IQCK: variants seen among roughly 807,000 people sequenced by gnomAD.
IQCK encodes IQ domain-containing protein K.
A neutral mutation model predicts 28.1 loss-of-function variants in IQCK; 29 were observed. The ratio of observed to expected loss-of-function variants is 1.03; its 90% CI spans 0.77 to 1.41. IQCK has a LOEUF of 1.41. Ranked by LOEUF, IQCK falls within the 40% of genes most tolerant of loss-of-function variation. IQCK has a pLI of 0.00. For missense variants in IQCK, 359 were observed against 314.7 expected (o/e 1.14, Z -1.07); for synonymous variants, 113 against 115.1 (o/e 0.98, Z 0.12).
chr16:19,763,114 T>C (rs970737903), intron 4 of IQCK, among the ~76,000 whole-genome samples: 1 of 152,192 alleles, frequency 6.6e-6, no homozygotes, highest in Non-Finnish European at 1.5e-5. Context: ...ATTTTGTATA[T>C]GTATTATATA....
At chr16:19,816,429 G>A (rs1174161902) in intron 7 of IQCK, among the ~76,000 whole-genome samples, 4 of 152,034 alleles carry the variant, frequency 2.6e-5, no homozygotes, top group Admixed American at 6.6e-5. Context: ...TTACAGGTGC[G>A]TGCCACCACA....
intron 9 of IQCK, among the ~76,000 whole-genome samples, chr16:19,852,783 C>T (rs1251603322): frequency 6.6e-6 from 1 of 152,036 alleles, no homozygotes; most frequent in Admixed American, 6.5e-5. Flanking sequence ...CCACCATGCC[C>T]GGCTAATTTT....
chr16:19,856,188 A>C (rs1665420455), intron 9 of IQCK, among the ~76,000 whole-genome samples: 1 of 152,202 alleles, frequency 6.6e-6, no homozygotes, highest in Non-Finnish European at 1.5e-5. Context: ...GTCTTTAGTA[A>C]AATTGCCTTC....
chr16:19,831,673 G>T (rs189140809), downstream of IQCK, among the ~76,000 whole-genome samples: 1 of 150,570 alleles, frequency 6.6e-6, no homozygotes, highest in Non-Finnish European at 1.5e-5. Context: ...AAAAAAAAAA[G>T]CTCATCTATG....
exon 1 of IQCK, chr16:19,718,312 G>C: frequency 6.2e-7 from 1 of 1,605,438 alleles, no homozygotes; most frequent in Non-Finnish European, 8.5e-7. Context: ...CGGCCATGGC[G>C]GCACCGCGGC....
intron 4 of IQCK, among the ~76,000 whole-genome samples, chr16:19,742,684 C>T (rs1286950463): frequency 2.6e-5 from 4 of 152,182 alleles, no homozygotes; most frequent in Non-Finnish European, 5.9e-5. Flanking sequence ...CTTGAAATAA[C>T]ATTTATATTA....
intron 1 of IQCK, among the ~76,000 whole-genome samples, chr16:19,719,513 C>A (rs1292069539): frequency 6.6e-6 from 1 of 151,226 alleles, no homozygotes; most frequent in African/African-American, 2.4e-5. Context: ...ATTGCTTGAA[C>A]CAGGGAGGTG....
intron 4 of IQCK, chr16:19,736,084 A>T (rs1467568510): frequency 2.2e-6 from 1 of 454,550 alleles, no homozygotes; most frequent in South Asian, 1.6e-5. Context: ...ATCCCACAGA[A>T]CTCTGCTTAC....
At chr16:19,809,045 C>CG (rs1391563258) in intron 7 of IQCK, among the ~76,000 whole-genome samples, 3 of 152,116 alleles carry the variant, frequency 2.0e-5, no homozygotes, top group Admixed American at 6.6e-5. Context: ...TTAGTAGAGA[C>CG]GGGGTTTCAC....
In IQCK at chr16:19,833,517, A is replaced by G. The variant is rs538612498; in HGVS notation, c.802+6380A>G. The stretch of plus-strand genomic sequence containing the variant: ...CTCAAGATTAAGTGAGTTTCTTGGA[A>G]GCACACCTTCCTGGAGCTGAGACTT... On this transcript the variant is annotated intron_variant, in intron 9 of 9. Coordinates refer to the IQCK transcript ENST00000320394. Among the ~76,000 whole-genome samples, 3 of 152,302 alleles carry G rather than the reference A, an allele frequency of 2.0e-5. No individual in the cohort carries two copies. In the East Asian group the frequency reaches 5.8e-4, roughly 29 times the overall value.
At chr16:19,784,805 G>C (rs1454027293) in intron 6 of IQCK, among the ~76,000 whole-genome samples, 1 of 152,174 alleles carries the variant, frequency 6.6e-6, no homozygotes, top group African/African-American at 2.4e-5. Flanking sequence ...GTCTTGCTCT[G>C]TTGCCCAGGC....
chr16:19,718,531 C>G (rs754095415), intron 1 of IQCK, 44 bp downstream of exon 1: 58 of 1,493,466 alleles, frequency 3.9e-5, no homozygotes, highest in Non-Finnish European at 3.9e-5. Context: ...CCCGGGCGGC[C>G]GGACGGGGGC....
chr16:19,736,810 G>A (rs959048618), intron 4 of IQCK, among the ~76,000 whole-genome samples: 2 of 151,932 alleles, frequency 1.3e-5, no homozygotes, highest in African/African-American at 2.4e-5. Context: ...GTGATCAAGG[G>A]TGAATGGCAG....
chr16:19,730,208 G>A (rs778294266), intron 1 of IQCK, among the ~76,000 whole-genome samples: 3 of 151,634 alleles, frequency 2.0e-5, no homozygotes, highest in Admixed American at 1.3e-4. Flanking sequence ...CTCCTGCCTC[G>A]GCCTCCAAAA....
At chr16:19,843,769 G>A (rs1260464812) in intron 9 of IQCK, among the ~76,000 whole-genome samples, 1 of 152,124 alleles carries the variant, frequency 6.6e-6, no homozygotes, top group Non-Finnish European at 1.5e-5. Context: ...GCTCTCTGGT[G>A]TCTCTACTTC....
intron 7 of IQCK, among the ~76,000 whole-genome samples, chr16:19,822,022 T>TGCATCACTG: frequency 7.5e-6 from 1 of 133,032 alleles, no homozygotes; most frequent in African/African-American, 3.0e-5. Flanking sequence ...GCCAAGATCA[T>TGCATCACTG]GCATCACTGC....
At chr16:19,720,984 C>T (rs892683482) in intron 1 of IQCK, among the ~76,000 whole-genome samples, 1 of 151,640 alleles carries the variant, frequency 6.6e-6, no homozygotes, top group African/African-American at 2.4e-5. Context: ...TGCACTCCAG[C>T]CTGGGCAACA....
rs1433352986 is a variant in IQCK at position 19,850,206 on chromosome 16, C to T, written c.803-6281C>T. Among the ~76,000 whole-genome samples, 12 of 152,126 alleles carry T rather than the reference C, an allele frequency of 7.9e-5. No individual in the cohort carries two copies. The South Asian group carries it at 1.2e-3, about 16-fold the overall frequency. ...GTAACATCATTGTTGCTTCTTTAAT[C>T]ACAGACATTTTTGCTGTCCTGGTGG... On this transcript the variant is annotated intron_variant, in intron 9 of 9. Transcript: ENST00000320394.
chr16:19,845,217 A>C (rs2056403682), intron 9 of IQCK, among the ~76,000 whole-genome samples: 1 of 152,194 alleles, frequency 6.6e-6, no homozygotes, highest in Non-Finnish European at 1.5e-5. Context: ...TACAGATTGA[A>C]ATAATTTCTC....
Sources: allele counts gnomAD v4.1 joint callset (sites outside exome capture counted in the v4.1 genomes callset), GRCh38; gene constraint gnomAD v4.1.1; transcripts MANE v1.5; gene names NCBI Gene and HGNC (gene_info 2026-07-23, HGNC 2026-07-21).